The following CACNA1D variants were observed in gnomAD, a reference collection of about 807,000 sequenced individuals.
CACNA1D encodes voltage-dependent L-type calcium channel subunit alpha-1D.
Under a neutral mutation model 257.1 loss-of-function variants are expected in CACNA1D, and 55 were observed. That is an observed-to-expected ratio of 0.21 (90% CI 0.17 to 0.27). The LOEUF is 0.27. Among genes scored for constraint, CACNA1D ranks in the 10% least tolerant of loss-of-function variants. CACNA1D has a pLI of 1.00. For missense variants in CACNA1D, 1,876 were observed against 2,784.0 expected (o/e 0.67, Z 7.34); for synonymous variants, 980 against 1,014.9 (o/e 0.97, Z 0.65).
chr3:53,731,202 C>A, intron 17 of CACNA1D, 56 bp downstream of exon 17: 2 of 1,075,312 alleles, frequency 1.9e-6, no homozygotes, highest in Non-Finnish European at 2.9e-6. Context: ...CTGTTGATCT[C>A]CATACATGTA....
At chr3:53,532,726 A>G (rs2091988484) in intron 3 of CACNA1D, among the ~76,000 whole-genome samples, 1 of 152,066 alleles carries the variant, frequency 6.6e-6, no homozygotes, top group African/African-American at 2.4e-5. Flanking sequence ...GTTGGATTTT[A>G]TGTTGTTCTT....
chr3:53,694,713 T>A (rs1285202294), intron 8 of CACNA1D, among the ~76,000 whole-genome samples: 1 of 152,166 alleles, frequency 6.6e-6, no homozygotes, highest in Admixed American at 6.5e-5. Flanking sequence ...GGGGCTTTTT[T>A]CTGTTATTGT....
intron 3 of CACNA1D, among the ~76,000 whole-genome samples, chr3:53,586,276 CTGTGTGTGTGTGTGTGTGTGTGTG>C (rs57318445): frequency 1.5e-5 from 2 of 135,938 alleles, no homozygotes; most frequent in African/African-American, 5.5e-5. Context: ...TGCCTCTATT[CTGTGTGTGTGTGTGTGTGTGTGTG>C]TGTGTGTGTG....
At chr3:53,609,420 A>C (rs1229134387) in intron 3 of CACNA1D, among the ~76,000 whole-genome samples, 1 of 151,742 alleles carries the variant, frequency 6.6e-6, no homozygotes, top group Non-Finnish European at 1.5e-5. Context: ...AAAAAAAAAA[A>C]AAAAAAAAAA....
chr3:53,504,539 G>A (rs1348663590), intron 3 of CACNA1D, among the ~76,000 whole-genome samples: 2 of 152,054 alleles, frequency 1.3e-5, no homozygotes, highest in Non-Finnish European at 2.9e-5. Context: ...AAGTTTCTCT[G>A]CAGCTTTCGT....
At position 53,497,375 on chromosome 3, in the gene CACNA1D, G is replaced by A. The variant is rs933683401; in HGVS notation, c.291G>A (p.Ser97=). The part of the protein sequence containing the change: ...QYAKSKKQGN[S]SNSRPARALF... ...CCAAGAGCAAAAAACAGGGTAACTC[G>A]TCCAACAGCCGACCTGCCCGCGCCC... The change falls in exon 2 of 48, where the codon TCG becomes TCA. Residue 97 remains serine, a synonymous_variant. Transcript: ENST00000350061. The A allele has an allele frequency of 6.8e-6, 11 of 1,614,138 alleles. No individual in the cohort carries two copies. Among genetic ancestry groups the A allele is most frequent in the South Asian group, 2.2e-5 (2 of 91,074 alleles).
rs572107534 is a variant in CACNA1D at position 53,804,644 on chromosome 3, G to T, written c.5586-339G>T. On this transcript the variant is annotated intron_variant, in intron 44 of 47. Transcript: ENST00000350061. ...TGCTTCATGCATCTTGGTGTCCTTG[G>T]TGCCCAGCACCTGGCAGAGGGAAGG... is the stretch of plus-strand genomic sequence containing the variant. Among the ~76,000 whole-genome samples the T allele has an allele frequency of 2.3e-4, 35 of 152,290 alleles. No homozygotes were observed. In the East Asian group the frequency reaches 6.4e-3, roughly 28 times the overall value.
chr3:53,756,014 A>G (rs374069756), intron 29 of CACNA1D, among the ~76,000 whole-genome samples: 18 of 152,252 alleles, frequency 1.2e-4, no homozygotes, highest in African/African-American at 4.3e-4. Flanking sequence ...GTCTCATGGG[A>G]GGAGCTTTGT....
chr3:53,728,259 C>G (rs1160565914), intron 15 of CACNA1D, among the ~76,000 whole-genome samples: 1 of 152,214 alleles, frequency 6.6e-6, no homozygotes, highest in African/African-American at 2.4e-5. Context: ...CTGCCTCAGC[C>G]TCCTGAGTAG....
intron 15 of CACNA1D, among the ~76,000 whole-genome samples, chr3:53,729,386 C>G (rs1429245535): frequency 6.6e-6 from 1 of 152,146 alleles, no homozygotes; most frequent in African/African-American, 2.4e-5. Context: ...ACAAATTGCA[C>G]AGGGCGTATG....
chr3:53,520,980 TC>T (rs2091552511), intron 3 of CACNA1D, among the ~76,000 whole-genome samples: 1 of 151,452 alleles, frequency 6.6e-6, no homozygotes, highest in South Asian at 2.1e-4. Flanking sequence ...CCTTTCTCTT[TC>T]TTTTCCTTTT....
chr3:53,710,436 AAG>A (rs1286128398), intron 9 of CACNA1D: 2 of 456,570 alleles, frequency 4.4e-6, no homozygotes, highest in Admixed American at 4.7e-5. Context: ...TAAGAAGAAA[AAG>A]AAGTTTTGCT....
intron 3 of CACNA1D, among the ~76,000 whole-genome samples, chr3:53,608,587 C>T (rs9875160): frequency 0.027 from 4,084 of 152,226 alleles, 199 homozygotes; most frequent in African/African-American, 0.092. Context: ...ATTTCTTCAC[C>T]GTTAAGTATG....
chr3:53,589,509 G>A (rs900715572), intron 3 of CACNA1D, among the ~76,000 whole-genome samples: 3 of 152,194 alleles, frequency 2.0e-5, no homozygotes, highest in African/African-American at 7.2e-5. Context: ...GGTGACATAA[G>A]CCAAACCCCT....
chr3:53,568,566 C>A (rs1250084810), intron 3 of CACNA1D, among the ~76,000 whole-genome samples: 4 of 152,186 alleles, frequency 2.6e-5, no homozygotes, highest in Non-Finnish European at 5.9e-5. Context: ...ACACTCCTTG[C>A]TAAGGCCAGC....
intron 8 of CACNA1D, 31 bp from the exon 9 acceptor site, chr3:53,702,610 G>C (rs368732166): frequency 2.5e-6 from 4 of 1,611,752 alleles, no homozygotes; most frequent in East Asian, 2.2e-5. Context: ...AGGATGTCCT[G>C]ATATGTGCTT....
intron 3 of CACNA1D, among the ~76,000 whole-genome samples, chr3:53,532,298 T>C (rs777347515): frequency 6.6e-6 from 1 of 152,130 alleles, no homozygotes; most frequent in Non-Finnish European, 1.5e-5. Context: ...AAATGTGGAG[T>C]GCAGAGGATG....
intron 3 of CACNA1D, among the ~76,000 whole-genome samples, chr3:53,609,133 G>A (rs369695254): frequency 2.6e-5 from 4 of 152,242 alleles, no homozygotes; most frequent in East Asian, 3.9e-4. Flanking sequence ...TTATTAGGCC[G>A]GGCGCTGTGG....
intron 3 of CACNA1D, among the ~76,000 whole-genome samples, chr3:53,509,464 A>C (rs1242072211): frequency 2.0e-5 from 3 of 152,230 alleles, no homozygotes; most frequent in Non-Finnish European, 4.4e-5. Flanking sequence ...TTTCTTCTCC[A>C]GAACTTCAAA....
Sources: allele counts gnomAD v4.1 joint callset (sites outside exome capture counted in the v4.1 genomes callset), GRCh38; gene constraint gnomAD v4.1.1; transcripts MANE v1.5; gene names NCBI Gene and HGNC (gene_info 2026-07-23, HGNC 2026-07-21).